Variants in PARD3 observed in about 807,000 individuals in gnomAD.
PARD3 encodes partitioning defective 3 homolog.
In PARD3, 75 loss-of-function variants were observed where a neutral mutation model predicts 155.4. The observed-to-expected ratio is 0.48, with a 90% confidence interval of 0.40 to 0.58. PARD3 has a LOEUF of 0.58. PARD3 is among the 20% of genes least tolerant of loss of function. The pLI is 0.00. For synonymous variants in PARD3, 576 were observed against 610.5 expected (o/e 0.94, Z 0.83); for missense variants, 1,642 against 1,721.7 (o/e 0.95, Z 0.82).
chr10:34,372,157 T>C (rs1413619117), intron 12 of PARD3, among the ~76,000 whole-genome samples: 1 of 152,152 alleles, frequency 6.6e-6, no homozygotes, highest in Non-Finnish European at 1.5e-5. Context: ...TTAACTTTTC[T>C]TTCCATTTTG....
At chr10:34,802,973 C>T (rs373178411) in intron 1 of PARD3, among the ~76,000 whole-genome samples, 150 of 151,730 alleles carry the variant, frequency 9.9e-4, no homozygotes, top group African/African-American at 3.3e-3. Context: ...CACCTGTAAT[C>T]CCAGCACTCT....
chr10:34,739,435 C>T (rs2094969509), intron 1 of PARD3, among the ~76,000 whole-genome samples: 1 of 152,178 alleles, frequency 6.6e-6, no homozygotes, highest in Admixed American at 6.5e-5. Flanking sequence ...TCAAGTACTA[C>T]TGAGGAATCC....
At chr10:34,528,080 C>T (rs1314148260) in intron 2 of PARD3, among the ~76,000 whole-genome samples, 1 of 152,100 alleles carries the variant, frequency 6.6e-6, no homozygotes, top group East Asian at 1.9e-4. Context: ...AAACTGAACA[C>T]AGAATAAATA....
chr10:34,654,983 G>A (rs2133088719), intron 2 of PARD3, among the ~76,000 whole-genome samples: 1 of 152,092 alleles, frequency 6.6e-6, no homozygotes, highest in Admixed American at 6.6e-5. Flanking sequence ...AAACGGACGT[G>A]CCCAGGACAA....
rs1366873917 is a variant in PARD3 at position 34,355,913 on chromosome 10, A to G, written c.2067+3234T>C. Among the ~76,000 whole-genome samples the G allele has an allele frequency of 2.4e-5, 3 of 123,326 alleles. No individual in the cohort carries two copies. The East Asian group carries it at 8.4e-4, about 35-fold the overall frequency. The allele number at this position is 123,326 out of a possible 152,430, so 80.9% of individuals were successfully genotyped here. A position where few individuals can be genotyped will look rare whatever the true frequency, so the allele number is the denominator to read the frequency against. On this transcript the variant is annotated intron_variant, in intron 14 of 24. Coordinates refer to ENST00000374788, the MANE Select transcript of PARD3 (RefSeq NM_001184785.2). ...GCACTCCAGCCTAGGCAACAGAGTG[A>G]CACTCCGTCTCAAAAAAAAAAAAAA...
intron 2 of PARD3, among the ~76,000 whole-genome samples, chr10:34,626,764 T>A (rs541604769): frequency 2.6e-5 from 4 of 152,240 alleles, no homozygotes; most frequent in Admixed American, 2.0e-4. Flanking sequence ...CATACTATAA[T>A]TTCAGGGCAA....
At chr10:34,510,011 TTGATA>T (rs1564793251) in intron 3 of PARD3, among the ~76,000 whole-genome samples, 1 of 152,226 alleles carries the variant, frequency 6.6e-6, no homozygotes, top group Non-Finnish European at 1.5e-5. Context: ...TTTCAGCTCA[TTGATA>T]TATCTATAAA....
At chr10:34,175,658 A>C (rs1950000060) in intron 22 of PARD3, among the ~76,000 whole-genome samples, 1 of 152,244 alleles carries the variant, frequency 6.6e-6, no homozygotes, top group African/African-American at 2.4e-5. Flanking sequence ...ATTTATAATA[A>C]ATGAATGTTC....
chr10:34,296,271 G>C (rs1956905640), intron 20 of PARD3, among the ~76,000 whole-genome samples: 2 of 152,194 alleles, frequency 1.3e-5, no homozygotes, highest in African/African-American at 2.4e-5. Flanking sequence ...TTGCTCTGTT[G>C]CCCAGGCTGG....
At chr10:34,214,875 G>A (rs564499259) in intron 22 of PARD3, among the ~76,000 whole-genome samples, 2 of 152,078 alleles carry the variant, frequency 1.3e-5, no homozygotes, top group South Asian at 2.1e-4. Context: ...AAGAGTCTAG[G>A]CCCCTTGAAA....
At chr10:34,609,294 T>C (rs1439919716) in intron 2 of PARD3, among the ~76,000 whole-genome samples, 1 of 152,206 alleles carries the variant, frequency 6.6e-6, no homozygotes, top group Non-Finnish European at 1.5e-5. Flanking sequence ...GATTCCTCTG[T>C]CAAAAGCAGG....
intron 2 of PARD3, 55 bp from the exon 3 acceptor site, chr10:34,517,214 A>C (rs921487016): frequency 6.6e-7 from 1 of 1,510,790 alleles, no homozygotes; most frequent in African/African-American, 1.4e-5. Context: ...ATTAACTACC[A>C]AAATTTTGTA....
At chr10:34,579,554 C>CTCTGTGTGTG (rs1554775574) in intron 2 of PARD3, among the ~76,000 whole-genome samples, 280 of 122,564 alleles carry the variant, frequency 2.3e-3, no homozygotes, top group African/African-American at 6.9e-3. Context: ...ACCATTTTCT[C>CTCTGTGTGTG]TGTGTGTGTG....
At chr10:34,327,484 GC>G (rs1371864353) in intron 19 of PARD3, among the ~76,000 whole-genome samples, 8 of 152,208 alleles carry the variant, frequency 5.3e-5, no homozygotes, top group Non-Finnish European at 1.0e-4. Flanking sequence ...CCTGTTCAGT[GC>G]CATGAATATA....
intron 3 of PARD3, among the ~76,000 whole-genome samples, chr10:34,516,113 C>CGT (rs1564799516): frequency 4.6e-5 from 7 of 151,938 alleles, no homozygotes; most frequent in African/African-American, 1.2e-4. Context: ...TACAGGCAAC[C>CGT]GCCACCACGC....
intron 1 of PARD3, among the ~76,000 whole-genome samples, chr10:34,808,330 A>G (rs893873578): frequency 9.4e-5 from 14 of 149,532 alleles, no homozygotes; most frequent in African/African-American, 3.5e-4. Flanking sequence ...AAAGAAAGAA[A>G]GAAAAAACTT....
chr10:34,317,381 GCAA>G, intron 19 of PARD3, 43 bp from the exon 20 acceptor site: 5 of 1,554,736 alleles, frequency 3.2e-6, no homozygotes, highest in Non-Finnish European at 4.3e-6. Context: ...GTGAACCAAC[GCAA>G]CAAAAATAAT....
chr10:34,586,280 C>T (rs968287645), intron 2 of PARD3, among the ~76,000 whole-genome samples: 1 of 151,934 alleles, frequency 6.6e-6, no homozygotes, highest in Non-Finnish European at 1.5e-5. Flanking sequence ...AATTCAGGAT[C>T]AAGAATTTGA....
chr10:34,146,365 T>G (rs1277984353), intron 22 of PARD3, among the ~76,000 whole-genome samples: 1 of 152,228 alleles, frequency 6.6e-6, no homozygotes, highest in East Asian at 1.9e-4. Flanking sequence ...TACAGAATTA[T>G]GTCCACCACT....
Sources: allele counts gnomAD v4.1 joint callset (sites outside exome capture counted in the v4.1 genomes callset), GRCh38; gene constraint gnomAD v4.1.1; transcripts MANE v1.5; gene names NCBI Gene and HGNC (gene_info 2026-07-23, HGNC 2026-07-21).